Variants in SPPL3 observed in about 807,000 individuals in gnomAD.
SPPL3 encodes the protein signal peptide peptidase like 3, also known as signal peptide peptidase-like 3.
Under a neutral mutation model 42.4 loss-of-function variants are expected in SPPL3, and 5 were observed. The ratio of observed to expected loss-of-function variants is 0.12; its 90% CI spans 0.06 to 0.25. The LOEUF (loss-of-function observed/expected upper bound fraction) is 0.25. SPPL3 is among the 10% of genes least tolerant of loss of function. The pLI, the probability that SPPL3 is intolerant of heterozygous loss-of-function variation, is 1.00. For synonymous variants in SPPL3, 195 were observed against 181.8 expected, an observed-to-expected ratio of 1.07 and a Z score of -0.58; for missense variants, 235 against 489.0, an observed-to-expected ratio of 0.48 and a Z score of 4.90.
intron 6 of SPPL3, among the ~76,000 whole-genome samples, chr12:120,778,294 T>A (rs1869406456): frequency 6.6e-6 from 1 of 151,772 alleles, no homozygotes. Flanking sequence ...TTTTTGAACT[T>A]TTAGTAGAGA....
rs2137076499 is a variant in SPPL3, at chr12:120,903,926, C to G, written c.-59G>C. ...TGGCCGGGCCCGGCGGCGGCGGGCT[C>G]GCTCGGGCCGTAGCTGAAGGCGCGG... On this transcript the variant is annotated 5_prime_UTR_variant, in exon 1 of 11. Coordinates refer to ENST00000353487, the MANE Select transcript of SPPL3 (RefSeq NM_139015.5). 7.6e-7 allele frequency: 1 copy of G among 1,309,222 alleles called. No homozygotes were observed. Among genetic ancestry groups the G allele is most frequent in the Admixed American group, 4.1e-5 (1 of 24,516 alleles). The allele number at this position is 1,309,222 out of a possible 1,614,324, so 81.1% of individuals were successfully genotyped here.
chr12:120,860,374 T>C (rs1205778884), intron 1 of SPPL3, among the ~76,000 whole-genome samples: 1 of 152,116 alleles, frequency 6.6e-6, no homozygotes, highest in East Asian at 1.9e-4. Flanking sequence ...ATATACTCAA[T>C]CAATAAAAAT....
chr12:120,813,386 C>T (rs1240473576), intron 1 of SPPL3, among the ~76,000 whole-genome samples: 3 of 149,248 alleles, frequency 2.0e-5, no homozygotes, highest in South Asian at 2.1e-4. Flanking sequence ...GGCACGATCT[C>T]GGCTCACTGC....
intron 1 of SPPL3, among the ~76,000 whole-genome samples, chr12:120,899,888 CAAAAAAAAAAAAAAA>C (rs34814522): frequency 1.4e-5 from 1 of 71,704 alleles, no homozygotes; most frequent in Non-Finnish European, 2.4e-5. Flanking sequence ...GACCCTGTCT[CAAAAAAAAAAAAAAA>C]AAAAAAAGAT....
intron 3 of SPPL3, among the ~76,000 whole-genome samples, chr12:120,790,533 TTATTA>T (rs1420629071): frequency 6.6e-6 from 1 of 152,212 alleles, no homozygotes; most frequent in Non-Finnish European, 1.5e-5. Context: ...TCTGTGCCTG[TTATTA>T]TATGTTCCCC....
chr12:120,892,854 C>T (rs915992330), intron 1 of SPPL3, among the ~76,000 whole-genome samples: 8 of 151,324 alleles, frequency 5.3e-5, no homozygotes, highest in Non-Finnish European at 8.8e-5. Flanking sequence ...TGGTGGCAGG[C>T]GCCTGTAGTC....
intron 1 of SPPL3, among the ~76,000 whole-genome samples, chr12:120,839,317 A>G (rs1871725585): frequency 3.0e-5 from 4 of 133,766 alleles, no homozygotes; most frequent in Non-Finnish European, 6.2e-5. Flanking sequence ...ATGAGAACAC[A>G]TGGACACAGG....
At chr12:120,877,659 G>A (rs1217139200) in intron 1 of SPPL3, among the ~76,000 whole-genome samples, 2 of 151,772 alleles carry the variant, frequency 1.3e-5, no homozygotes, top group Non-Finnish European at 2.9e-5. Flanking sequence ...CAGGCACCTG[G>A]AGTCTCAGCT....
intron 3 of SPPL3, among the ~76,000 whole-genome samples, chr12:120,786,355 C>G (rs891455251): frequency 6.6e-6 from 1 of 152,200 alleles, no homozygotes; most frequent in East Asian, 1.9e-4. Context: ...TACAGTAGTT[C>G]AAAGAACAGC....
chr12:120,767,282 G>T, intron 9 of SPPL3, 112 bp downstream of exon 9: 1 of 1,196,418 alleles, frequency 8.4e-7, no homozygotes, highest in Non-Finnish European at 1.2e-6. Flanking sequence ...ACAGCACCCA[G>T]AATTCCTGCT....
chr12:120,873,219 AGGAAAGATG>A (rs1872981400), intron 1 of SPPL3, among the ~76,000 whole-genome samples: 1 of 152,220 alleles, frequency 6.6e-6, no homozygotes, highest in Non-Finnish European at 1.5e-5. Context: ...CCCCTGCAGA[AGGAAAGATG>A]GTTTAACTTG....
chr12:120,772,506 A>C (rs762536182), intron 6 of SPPL3, among the ~76,000 whole-genome samples: 1 of 152,202 alleles, frequency 6.6e-6, no homozygotes, highest in Non-Finnish European at 1.5e-5. Context: ...TTGACAGAGT[A>C]GACATTCAAT....
At chr12:120,771,461 A>G (rs1457075061) in intron 6 of SPPL3, among the ~76,000 whole-genome samples, 1 of 152,208 alleles carries the variant, frequency 6.6e-6, no homozygotes. Flanking sequence ...CTAGCTTCTC[A>G]ATGACAGGTG....
At chr12:120,874,118 A>C (rs1873005702) in intron 1 of SPPL3, among the ~76,000 whole-genome samples, 1 of 152,112 alleles carries the variant, frequency 6.6e-6, no homozygotes, top group African/African-American at 2.4e-5. Context: ...AAAATACCAG[A>C]TGGAAATGTG....
At chr12:120,841,887 T>C (rs1413549278) in intron 1 of SPPL3, among the ~76,000 whole-genome samples, 2 of 152,242 alleles carry the variant, frequency 1.3e-5, no homozygotes, top group African/African-American at 2.4e-5. Context: ...CATAGCTTTC[T>C]GCTTTTACCA....
intron 2 of SPPL3, among the ~76,000 whole-genome samples, chr12:120,797,229 A>G (rs1870128970): frequency 1.3e-5 from 2 of 151,926 alleles, no homozygotes; most frequent in African/African-American, 4.8e-5. Flanking sequence ...GATTCTGTGT[A>G]GATCTCTGGG....
chr12:120,838,272 T>C (rs1379230206), intron 1 of SPPL3, among the ~76,000 whole-genome samples: 1 of 152,210 alleles, frequency 6.6e-6, no homozygotes, highest in African/African-American at 2.4e-5. Flanking sequence ...ATTTTTTCCT[T>C]ATCAGCTCTA....
At chr12:120,773,528 A>C (rs1459740643) in intron 6 of SPPL3, among the ~76,000 whole-genome samples, 1 of 152,034 alleles carries the variant, frequency 6.6e-6, no homozygotes. Flanking sequence ...AGTAACCAAA[A>C]GCGGGGCAGG....
At chr12:120,806,844 T>TC (rs1555249165) in intron 2 of SPPL3, among the ~76,000 whole-genome samples, 4 of 71,882 alleles carry the variant, frequency 5.6e-5, no homozygotes, top group African/African-American at 2.9e-4. Context: ...GAGACTCCAT[T>TC]AAAAAAAAAA....
Sources: allele counts gnomAD v4.1 joint callset (sites outside exome capture counted in the v4.1 genomes callset), GRCh38; gene constraint gnomAD v4.1.1; transcripts MANE v1.5; gene names NCBI Gene and HGNC (gene_info 2026-07-23, HGNC 2026-07-21).